The following ABI1 variants were observed in gnomAD, a reference collection of about 807,000 sequenced individuals.
The protein encoded by ABI1 is Abelson interactor 1.
In ABI1, 14 loss-of-function variants were observed where a neutral mutation model predicts 54.6. The ratio of observed to expected loss-of-function variants is 0.26; its 90% CI spans 0.17 to 0.40. ABI1 has a LOEUF of 0.40. ABI1 is among the 10% of genes least tolerant of loss of function. The pLI, the probability that ABI1 is intolerant of heterozygous loss-of-function variation, is 1.00. For missense variants in ABI1, 443 were observed against 598.3 expected, an observed-to-expected ratio of 0.74 and a Z score of 2.71; for synonymous variants, 194 against 209.3, an observed-to-expected ratio of 0.93 and a Z score of 0.63.
intron 7 of ABI1, among the ~76,000 whole-genome samples, chr10:26,764,974 C>T (rs998454121): frequency 6.6e-6 from 1 of 151,940 alleles, no homozygotes; most frequent in Non-Finnish European, 1.5e-5. Flanking sequence ...AAATGGCCAA[C>T]AAAAAGTTAT....
At chr10:26,834,252 A>G (rs1329537860) in intron 1 of ABI1, among the ~76,000 whole-genome samples, 1 of 152,116 alleles carries the variant, frequency 6.6e-6, no homozygotes, top group East Asian at 1.9e-4. Context: ...AAGAAAAAAA[A>G]TTAATATACT....
At chr10:26,778,006 T>C (rs1231446211) in intron 2 of ABI1, among the ~76,000 whole-genome samples, 2 of 151,998 alleles carry the variant, frequency 1.3e-5, no homozygotes, top group Non-Finnish European at 2.9e-5. Flanking sequence ...ATTTAATGGC[T>C]TTACAGAGTA....
intron 1 of ABI1, among the ~76,000 whole-genome samples, chr10:26,830,348 A>G (rs958372891): frequency 1.3e-5 from 2 of 152,184 alleles, no homozygotes; most frequent in African/African-American, 4.8e-5. Flanking sequence ...CCAGTTGGGC[A>G]TGGGGGCTCA....
At chr10:26,786,443 G>A (rs1188235368) in intron 2 of ABI1, among the ~76,000 whole-genome samples, 1 of 151,950 alleles carries the variant, frequency 6.6e-6, no homozygotes, top group African/African-American at 2.4e-5. Flanking sequence ...TCAAACTCCT[G>A]ACTTGACTTC....
intron 1 of ABI1, among the ~76,000 whole-genome samples, chr10:26,826,345 T>A (rs2048303911): frequency 1.3e-5 from 2 of 152,220 alleles, no homozygotes. Context: ...CGAGCAGGTC[T>A]CAACAGTTGG....
chr10:26,816,446 C>T (rs547183807), intron 2 of ABI1, among the ~76,000 whole-genome samples: 1 of 152,072 alleles, frequency 6.6e-6, no homozygotes, highest in African/African-American at 2.4e-5. Flanking sequence ...CCCATAAAAA[C>T]TTTATGTTAA....
At chr10:26,748,795 T>C (rs1158982263) in intron 10 of ABI1, 50 bp from the exon 11 acceptor site, 1 of 1,321,770 alleles carries the variant, frequency 7.6e-7, no homozygotes. Context: ...TATCCAAAAT[T>C]TACTTGAATT....
chr10:26,842,015 T>C (rs2049554072), intron 1 of ABI1, among the ~76,000 whole-genome samples: 2 of 152,184 alleles, frequency 1.3e-5, no homozygotes. Context: ...CATACTATTT[T>C]CCATCATGGC....
chr10:26,808,829 G>A (rs990291416), intron 2 of ABI1, among the ~76,000 whole-genome samples: 1 of 152,086 alleles, frequency 6.6e-6, no homozygotes, highest in African/African-American at 2.4e-5. Context: ...AGAAGAAAGG[G>A]GGAGGGGACA....
At chr10:26,766,619 G>C (rs1377915421) in intron 6 of ABI1, among the ~76,000 whole-genome samples, 2 of 152,142 alleles carry the variant, frequency 1.3e-5, no homozygotes, top group African/African-American at 4.8e-5. Flanking sequence ...CCTCAAGCCA[G>C]GTGATCAATA....
rs553786613 is a variant in ABI1, at chr10:26,853,785, G to A, written c.117+6962C>T. ...TCTCGATCTTCTGACCTCATGATCC[G>A]CCCGCCTCATCCTCCCAAAGTGCTG... On this transcript the variant is annotated intron_variant, in intron 1 of 10. Transcript: ENST00000376140. 7.9e-5 allele frequency among the ~76,000 whole-genome samples: 12 copies of A among 151,764 alleles called. No homozygotes were observed. The East Asian group carries it at 1.7e-3, about 22-fold the overall frequency.
intron 1 of ABI1, among the ~76,000 whole-genome samples, chr10:26,857,236 G>A (rs998423834): frequency 1.5e-4 from 22 of 144,116 alleles, no homozygotes; most frequent in East Asian, 4.1e-4. Flanking sequence ...CAGGAGAATC[G>A]CTTGAACCCA....
chr10:26,756,782 T>C (rs996183268), intron 8 of ABI1, among the ~76,000 whole-genome samples: 4 of 152,114 alleles, frequency 2.6e-5, no homozygotes, highest in African/African-American at 9.7e-5. Flanking sequence ...ACTAAATTGA[T>C]AGAGAAAAAC....
chr10:26,860,656 G>A lies in ABI1; in HGVS notation c.117+91C>T, dbSNP rs892127767. ...GCTCGGGTTGGTGGCAGCCGCTGAG[G>A]TCAGGGCAGTTCCCCACCCCGCCCA... On this transcript the variant is annotated intron_variant, in intron 1 of 10. Transcript: ENST00000376140. The surrounding 1 kb of genome is among the most constrained non-coding windows in gnomAD (Gnocchi z 4.1). 9.7e-7 allele frequency: 1 copy of A among 1,026,482 alleles called. No homozygotes were observed. The highest frequency in any genetic ancestry group is 1.3e-5 in the South Asian group (1 of 77,808). The allele number at this position is 1,026,482 out of a possible 1,614,324, so 63.6% of individuals were successfully genotyped here. A position where few individuals can be genotyped will look rare whatever the true frequency, so the allele number is the denominator to read the frequency against.
At chr10:26,835,070 C>T (rs905918863) in intron 1 of ABI1, among the ~76,000 whole-genome samples, 3 of 115,296 alleles carry the variant, frequency 2.6e-5, no homozygotes, top group African/African-American at 3.5e-5. Context: ...ATGTGGGCAA[C>T]TGAGCAAGAT....
intron 1 of ABI1, among the ~76,000 whole-genome samples, chr10:26,826,149 G>C (rs925355607): frequency 3.3e-5 from 5 of 152,308 alleles, no homozygotes; most frequent in Non-Finnish European, 7.3e-5. Context: ...ATCTAAGGCA[G>C]CTATAGCCTT....
intron 1 of ABI1, among the ~76,000 whole-genome samples, chr10:26,835,101 A>C (rs902771494): frequency 8.0e-6 from 1 of 124,508 alleles, no homozygotes; most frequent in African/African-American, 2.9e-5. Context: ...AAAAAAAAAA[A>C]AAAAAAAAAA....
At chr10:26,820,571 G>A (rs887150711) in intron 2 of ABI1, among the ~76,000 whole-genome samples, 18 of 150,268 alleles carry the variant, frequency 1.2e-4, no homozygotes, top group Admixed American at 8.0e-4. Context: ...CTAAATGTAT[G>A]AGATACAGCT....
chr10:26,859,121 T>G (rs2051090662), intron 1 of ABI1, among the ~76,000 whole-genome samples: 1 of 152,078 alleles, frequency 6.6e-6, no homozygotes, highest in African/African-American at 2.4e-5. Context: ...CATATCCACA[T>G]CCCTACTAGA....
Sources: allele counts gnomAD v4.1 joint callset (sites outside exome capture counted in the v4.1 genomes callset), GRCh38; gene constraint gnomAD v4.1.1; non-coding constraint Gnocchi (gnomAD v3.1); transcripts MANE v1.5; gene names NCBI Gene and HGNC (gene_info 2026-07-23, HGNC 2026-07-21).